CEP128: variants seen among roughly 807,000 people sequenced by gnomAD.
CEP128 encodes the protein centrosomal protein 128.
A neutral mutation model predicts 156.7 loss-of-function variants in CEP128; 132 were observed. The ratio of observed to expected loss-of-function variants is 0.84; its 90% CI spans 0.73 to 0.97. The LOEUF (loss-of-function observed/expected upper bound fraction) is 0.97. Among genes scored for constraint, CEP128 ranks in the 50% least tolerant of loss-of-function variants. The pLI, the probability that CEP128 is intolerant of heterozygous loss-of-function variation, is 0.00. For missense variants in CEP128, 1,252 were observed against 1,281.9 expected (o/e 0.98, Z 0.36); for synonymous variants, 469 against 448.9 (o/e 1.04, Z -0.57).
intron 9 of CEP128, among the ~76,000 whole-genome samples, chr14:80,859,454 G>A (rs915152362): frequency 2.0e-5 from 3 of 150,460 alleles, no homozygotes; most frequent in Admixed American, 1.3e-4. Context: ...GCTAGATGAC[G>A]AGTTAGTGGG....
At chr14:80,937,598 A>T (rs1197382721) in intron 2 of CEP128, among the ~76,000 whole-genome samples, 1 of 152,144 alleles carries the variant, frequency 6.6e-6, no homozygotes, top group East Asian at 1.9e-4. Flanking sequence ...AAATGTATCT[A>T]ATCACTGGGA....
At chr14:80,612,867 C>T (rs1335704066) in intron 19 of CEP128, among the ~76,000 whole-genome samples, 2 of 151,878 alleles carry the variant, frequency 1.3e-5, no homozygotes, top group Admixed American at 6.6e-5. Flanking sequence ...TTGTTTTTTT[C>T]ATCTCGCTCT....
At chr14:80,955,620 T>C in intron 2 of CEP128, 1 of 1,604,108 alleles carries the variant, frequency 6.2e-7, no homozygotes, top group South Asian at 1.1e-5. Flanking sequence ...TAACCCGAGG[T>C]GCAGAGCTGA....
intron 2 of CEP128, among the ~76,000 whole-genome samples, chr14:80,933,452 T>C (rs117165970): frequency 5.3e-5 from 8 of 152,156 alleles, no homozygotes; most frequent in African/African-American, 1.7e-4. Context: ...AATCCCCTTA[T>C]AGTTAATTAT....
intron 19 of CEP128, among the ~76,000 whole-genome samples, chr14:80,639,487 G>A (rs1566827369): frequency 6.6e-6 from 1 of 152,132 alleles, no homozygotes; most frequent in Non-Finnish European, 1.5e-5. Context: ...TGTGCCTGAA[G>A]TAAACTCATT....
At chr14:80,705,654 G>A (rs1897217478) in intron 19 of CEP128, among the ~76,000 whole-genome samples, 1 of 152,102 alleles carries the variant, frequency 6.6e-6, no homozygotes, top group African/African-American at 2.4e-5. Context: ...TGACTTCCCA[G>A]GCTAGGTTAG....
chr14:80,554,609 ATTTG>A lies in CEP128; in HGVS notation c.2880+4666_2880+4669del, dbSNP rs565195435. ...TTTTGAAAATTATATTTTTCTAGGA[ATTTG>A]TTTATTTCTTCTAATTTATAATTAG... On this transcript the variant is annotated intron_variant, in intron 21 of 24. Transcript: ENST00000555265. Among the ~76,000 whole-genome samples, 428 of 152,092 alleles carry A rather than the reference ATTTG, an allele frequency of 2.8e-3. 2 individuals are homozygous for A. The highest frequency in any genetic ancestry group is 9.1e-3 in the African/African-American group (377 of 41,534).
intron 23 of CEP128, among the ~76,000 whole-genome samples, chr14:80,507,973 G>A (rs1222014544): frequency 6.6e-6 from 1 of 152,144 alleles, no homozygotes; most frequent in Non-Finnish European, 1.5e-5. Flanking sequence ...GGAGTGCAGT[G>A]GCACGATCTT....
chr14:80,606,992 T>C (rs1198243405), intron 19 of CEP128, among the ~76,000 whole-genome samples: 1 of 151,566 alleles, frequency 6.6e-6, no homozygotes, highest in East Asian at 1.9e-4. Flanking sequence ...TATACATACA[T>C]GTACATATAT....
intron 16 of CEP128, among the ~76,000 whole-genome samples, chr14:80,777,245 T>C (rs568753739): frequency 2.0e-5 from 3 of 152,110 alleles, no homozygotes; most frequent in Admixed American, 6.5e-5. Context: ...TGGGAGGTGA[T>C]TTGGGAGGTG....
intron 18 of CEP128, among the ~76,000 whole-genome samples, chr14:80,746,004 T>C (rs111939572): frequency 3.3e-5 from 5 of 152,168 alleles, no homozygotes; most frequent in African/African-American, 1.2e-4. Flanking sequence ...ATATTTACAA[T>C]AGCATCAACA....
At chr14:80,729,085 G>C (rs1049144245) in intron 19 of CEP128, among the ~76,000 whole-genome samples, 4 of 65,966 alleles carry the variant, frequency 6.1e-5, no homozygotes, top group Admixed American at 1.6e-4. Flanking sequence ...GTGTGTGTGT[G>C]TGTGTGTGTG....
At chr14:80,903,872 G>C (rs1305510086) in intron 6 of CEP128, among the ~76,000 whole-genome samples, 1 of 151,966 alleles carries the variant, frequency 6.6e-6, no homozygotes, top group African/African-American at 2.4e-5. Flanking sequence ...GAAGGAAAGG[G>C]ACCCCTTGTA....
rs1900854039 is a variant in CEP128 at position 80,777,407 on chromosome 14, C to G, written c.2376+475G>C. ...CACCAGACACTGATTCTGCCAGCAC[C>G]TTGATCTTGGACTTCCCAGCCTCCA... On this transcript the variant is annotated intron_variant, in intron 16 of 24. Transcript: ENST00000555265. Among the ~76,000 whole-genome samples the G allele has an allele frequency of 2.6e-5, 4 of 152,200 alleles. No homozygotes were observed. In the South Asian group the frequency reaches 8.3e-4, roughly 32 times the overall value.
chr14:80,822,957 C>T (rs1053951660), intron 13 of CEP128, among the ~76,000 whole-genome samples: 6 of 152,114 alleles, frequency 3.9e-5, no homozygotes, highest in Non-Finnish European at 5.9e-5. Context: ...AAGGGGCATA[C>T]GTCACTAACA....
chr14:80,617,637 G>C (rs12892743), intron 19 of CEP128, among the ~76,000 whole-genome samples: 1 of 152,158 alleles, frequency 6.6e-6, no homozygotes, highest in African/African-American at 2.4e-5. Flanking sequence ...AAAGTGCCTA[G>C]TGTGACACAA....
intron 21 of CEP128, among the ~76,000 whole-genome samples, chr14:80,531,840 G>A (rs561280510): frequency 3.3e-5 from 5 of 152,102 alleles, no homozygotes; most frequent in Middle Eastern, 3.2e-3. Flanking sequence ...CCCTGTGAAA[G>A]GTTCTGAACA....
At chr14:80,870,036 A>G (rs530536639) in intron 8 of CEP128, among the ~76,000 whole-genome samples, 23 of 152,196 alleles carry the variant, frequency 1.5e-4, no homozygotes, top group African/African-American at 4.8e-4. Flanking sequence ...ACAACTTACC[A>G]AGACTGAGTC....
intron 19 of CEP128, among the ~76,000 whole-genome samples, chr14:80,630,549 A>G (rs1850707334): frequency 1.3e-5 from 2 of 152,042 alleles, no homozygotes; most frequent in Admixed American, 6.5e-5. Context: ...CTGCCTTGGC[A>G]AGAAATTAAG....
Sources: allele counts gnomAD v4.1 joint callset (sites outside exome capture counted in the v4.1 genomes callset), GRCh38; gene constraint gnomAD v4.1.1; transcripts MANE v1.5; gene names NCBI Gene and HGNC (gene_info 2026-07-23, HGNC 2026-07-21).